ELMO1: variants seen among roughly 807,000 people sequenced by gnomAD.
ELMO1 encodes engulfment and cell motility 1, also known as engulfment and cell motility protein 1.
In ELMO1, 26 loss-of-function variants were observed where a neutral mutation model predicts 98.9. That is an observed-to-expected ratio of 0.26 (90% CI 0.19 to 0.36). The LOEUF (loss-of-function observed/expected upper bound fraction) is 0.36, where lower values mean the gene tolerates loss of function less well. ELMO1 is among the 10% of genes least tolerant of loss of function. The pLI is 1.00. For synonymous variants in ELMO1, 346 were observed against 346.0 expected, an observed-to-expected ratio of 1.00 and a Z score of 0.00; for missense variants, 627 against 935.2, an observed-to-expected ratio of 0.67 and a Z score of 4.30.
intron 5 of ELMO1, among the ~76,000 whole-genome samples, chr7:37,266,957 G>A (rs1366802659): frequency 2.0e-5 from 3 of 150,874 alleles, no homozygotes. Context: ...AGATTTTAGT[G>A]AGCTGAAATT....
intron 16 of ELMO1, among the ~76,000 whole-genome samples, chr7:36,983,876 T>C (rs1260294162): frequency 6.6e-6 from 1 of 152,200 alleles, no homozygotes; most frequent in Non-Finnish European, 1.5e-5. Context: ...AATGCGTTTT[T>C]AGGTGGGGGG....
chr7:37,302,829 A>T (rs766126773), intron 4 of ELMO1, among the ~76,000 whole-genome samples: 10 of 152,200 alleles, frequency 6.6e-5, no homozygotes, highest in Non-Finnish European at 2.9e-5. Flanking sequence ...AATGGGGATC[A>T]GAAAGAAACA....
At chr7:37,200,139 T>C (rs1792204846) in intron 13 of ELMO1, among the ~76,000 whole-genome samples, 1 of 152,146 alleles carries the variant, frequency 6.6e-6, no homozygotes, top group South Asian at 2.1e-4. Context: ...AGTGATGTAA[T>C]CATAGCTTGC....
intron 4 of ELMO1, among the ~76,000 whole-genome samples, chr7:37,283,879 T>C (rs1043676137): frequency 1.3e-5 from 2 of 152,216 alleles, no homozygotes; most frequent in Non-Finnish European, 2.9e-5. Flanking sequence ...ATGCCCTCTT[T>C]GAAGAACCCT....
intron 15 of ELMO1, among the ~76,000 whole-genome samples, chr7:37,050,622 AC>A: frequency 8.4e-6 from 1 of 119,400 alleles, no homozygotes; most frequent in Non-Finnish European, 1.8e-5. Context: ...ACACACACAC[AC>A]ACACACACAC....
chr7:37,266,430 G>A (rs1796244541), intron 5 of ELMO1, among the ~76,000 whole-genome samples: 1 of 152,122 alleles, frequency 6.6e-6, no homozygotes, highest in African/African-American at 2.4e-5. Context: ...CCCTAAACCA[G>A]AAAGAGTAGA....
chr7:37,268,387 C>T lies in ELMO1; in HGVS notation c.243+3445G>A, dbSNP rs563048138. ...CATGATCTCAGCTCACTGTAACCTC[C>T]GCCTCCTGGGTTCAAGCAATTCTCT... On this transcript the variant is annotated intron_variant, in intron 5 of 21. Transcript: ENST00000310758. 5.9e-5 allele frequency among the ~76,000 whole-genome samples: 9 copies of T among 152,282 alleles called. No individual in the cohort carries two copies. The East Asian group carries it at 9.7e-4, about 16-fold the overall frequency.
At chr7:36,914,513 ATTC>A (rs923513471) in intron 16 of ELMO1, among the ~76,000 whole-genome samples, 2 of 145,620 alleles carry the variant, frequency 1.4e-5, no homozygotes, top group Non-Finnish European at 3.0e-5. Context: ...ATGAATGTAC[ATTC>A]TTTTTTTTTT....
intron 15 of ELMO1, among the ~76,000 whole-genome samples, chr7:37,082,259 G>A (rs1029251297): frequency 1.3e-5 from 2 of 152,090 alleles, no homozygotes; most frequent in African/African-American, 4.8e-5. Flanking sequence ...AAATAGAGGG[G>A]GAGAAATCAG....
intron 1 of ELMO1, among the ~76,000 whole-genome samples, chr7:37,392,750 C>T (rs184894670): frequency 3.9e-5 from 6 of 152,354 alleles, no homozygotes; most frequent in South Asian, 2.1e-4. Flanking sequence ...CTTCCCTTGA[C>T]GTCTGCCTAC....
At chr7:37,430,596 C>T (rs1456692518) in intron 1 of ELMO1, among the ~76,000 whole-genome samples, 2 of 152,232 alleles carry the variant, frequency 1.3e-5, no homozygotes, top group African/African-American at 4.8e-5. Flanking sequence ...TGTGAAATTT[C>T]TTTGCATCTC....
intron 13 of ELMO1, among the ~76,000 whole-genome samples, chr7:37,156,877 T>C (rs981167694): frequency 3.3e-5 from 5 of 152,200 alleles, no homozygotes; most frequent in Admixed American, 3.3e-4. Flanking sequence ...AAGAGAATTT[T>C]AGGCCAATAT....
intron 13 of ELMO1, among the ~76,000 whole-genome samples, chr7:37,182,455 T>TGCTC (rs370754801): frequency 0.23 from 991 of 4,280 alleles, 149 homozygotes; most frequent in Non-Finnish European, 0.44. Flanking sequence ...AGTGCTCTTG[T>TGCTC]GCTCTACTTT....
chr7:37,041,152 G>A (rs1035637259), intron 15 of ELMO1, among the ~76,000 whole-genome samples: 7 of 152,196 alleles, frequency 4.6e-5, no homozygotes, highest in South Asian at 4.2e-4. Context: ...AGAGAAAAGA[G>A]GGGCATATGC....
At chr7:37,008,553 G>T (rs1793314850) in intron 16 of ELMO1, among the ~76,000 whole-genome samples, 1 of 151,880 alleles carries the variant, frequency 6.6e-6, no homozygotes, top group African/African-American at 2.4e-5. Context: ...TCATAGACAG[G>T]CTTTATCTTA....
intron 15 of ELMO1, among the ~76,000 whole-genome samples, chr7:37,095,038 C>T (rs1317092249): frequency 6.6e-6 from 1 of 152,176 alleles, no homozygotes; most frequent in African/African-American, 2.4e-5. Flanking sequence ...TGAAGGTACA[C>T]ATGGAGAGTG....
At chr7:36,899,643 A>T (rs1459185886) in intron 16 of ELMO1, among the ~76,000 whole-genome samples, 1 of 124,252 alleles carries the variant, frequency 8.0e-6, no homozygotes, top group African/African-American at 2.8e-5. Flanking sequence ...TCCTTAAGAT[A>T]CTTAATCTCT....
intron 13 of ELMO1, among the ~76,000 whole-genome samples, chr7:37,172,352 G>A (rs1372849937): frequency 1.3e-5 from 2 of 151,402 alleles, no homozygotes; most frequent in South Asian, 2.1e-4. Flanking sequence ...CTCTTCTGAG[G>A]CACTTAAGAT....
intron 14 of ELMO1, among the ~76,000 whole-genome samples, chr7:37,110,390 T>C (rs1188238290): frequency 1.3e-5 from 2 of 152,166 alleles, no homozygotes; most frequent in Non-Finnish European, 2.9e-5. Context: ...CATCTGCACC[T>C]GACTGGAGCT....
Sources: allele counts gnomAD v4.1 joint callset (sites outside exome capture counted in the v4.1 genomes callset), GRCh38; gene constraint gnomAD v4.1.1; transcripts MANE v1.5; gene names NCBI Gene and HGNC (gene_info 2026-07-23, HGNC 2026-07-21).